Variants in PRELID2 observed in about 807,000 individuals in gnomAD.
PRELID2 encodes the protein PRELI domain containing 2, also known as PRELI domain-containing protein 2.
In PRELID2, 25 loss-of-function variants were observed where a neutral mutation model predicts 28.4. That is an observed-to-expected ratio of 0.88 (90% CI 0.64 to 1.23). PRELID2 has a LOEUF of 1.23. Ranked by LOEUF, PRELID2 falls within the 50% of genes most tolerant of loss-of-function variation. The probability of loss-of-function intolerance (pLI) is 0.00; values close to 1 mark genes in which losing one functional copy is unlikely to be tolerated. For missense variants in PRELID2, 201 were observed against 214.4 expected (o/e 0.94, Z 0.39); for synonymous variants, 76 against 71.6 (o/e 1.06, Z -0.31).
chr5:145,695,402 T>C (rs1755238803), intron 1 of PRELID2, among the ~76,000 whole-genome samples: 1 of 152,080 alleles, frequency 6.6e-6, no homozygotes, highest in African/African-American at 2.4e-5. Context: ...TAGGAAGCAA[T>C]TGGTAGGGAA....
intron 1 of PRELID2, among the ~76,000 whole-genome samples, chr5:145,478,419 C>G (rs1752126948): frequency 6.6e-6 from 1 of 152,014 alleles, no homozygotes; most frequent in East Asian, 1.9e-4. Flanking sequence ...TGGTGGTGCG[C>G]ACCTGTAATC....
chr5:145,372,663 T>A, the PRELID2 span, among the ~76,000 whole-genome samples: 1 of 151,590 alleles, frequency 6.6e-6, no homozygotes, highest in Non-Finnish European at 1.5e-5. Flanking sequence ...ACAATAGGAT[T>A]GCAACCCCTG....
intron 1 of PRELID2, among the ~76,000 whole-genome samples, chr5:145,591,295 C>CA (rs879536286): frequency 0.041 from 3,913 of 94,292 alleles, 163 homozygotes; most frequent in African/African-American, 0.13. Context: ...GACTGTGTCT[C>CA]AAAAAAAAAA....
the PRELID2 span, among the ~76,000 whole-genome samples, chr5:145,250,202 C>G: frequency 6.6e-6 from 1 of 152,096 alleles, no homozygotes; most frequent in African/African-American, 2.4e-5. Context: ...CTCAAATACA[C>G]ACAGACAACC....
chr5:145,702,617 T>C (rs1002176), intron 1 of PRELID2, among the ~76,000 whole-genome samples: 16,973 of 152,154 alleles, frequency 0.11, 1,240 homozygotes, highest in African/African-American at 0.2. Flanking sequence ...ATTCGGGTCT[T>C]CTGTTCTCTA....
Position 145,820,034 on chromosome 5 carries a change from T to A in PRELID2, c.134-16A>T. 12 of 1,458,636 alleles carry A rather than the reference T, an allele frequency of 8.2e-6. No homozygotes were observed. The highest frequency in any genetic ancestry group is 1.0e-5 in the Non-Finnish European group (11 of 1,055,528). 90.4% of individuals were successfully genotyped at this position (1,458,636 alleles called of 1,614,324 possible). A position where few individuals can be genotyped will look rare whatever the true frequency, so the allele number is the denominator to read the frequency against. On this transcript the variant is annotated splice_polypyrimidine_tract_variant and intron_variant, in intron 2 of 6. Coordinates refer to ENST00000683046, the MANE Select transcript of PRELID2 (RefSeq NM_205846.3). ...GTTGATTCATCTAAAAAAGAAATTT[T>A]TTTACACAAAAAAAAATTAAAGAAA...
intron 1 of PRELID2, among the ~76,000 whole-genome samples, chr5:145,587,682 A>T (rs887123885): frequency 1.3e-5 from 2 of 152,150 alleles, no homozygotes; most frequent in Non-Finnish European, 2.9e-5. Flanking sequence ...CCATTACATT[A>T]TAATAAGGTA....
At chr5:145,809,785 A>C (rs1432781) in intron 4 of PRELID2, among the ~76,000 whole-genome samples, 25,870 of 152,194 alleles carry the variant, frequency 0.17, 2,630 homozygotes, top group African/African-American at 0.27. Flanking sequence ...AGATACCAGA[A>C]AGTTTTTACT....
At chr5:145,371,903 G>T in the PRELID2 span, among the ~76,000 whole-genome samples, 2 of 129,234 alleles carry the variant, frequency 1.5e-5, no homozygotes, top group East Asian at 6.0e-4. Context: ...AAAAAAAACA[G>T]CTCCTGGATT....
chr5:145,471,060 C>G (rs1561489507), downstream of PRELID2, among the ~76,000 whole-genome samples: 2 of 152,072 alleles, frequency 1.3e-5, no homozygotes, highest in Admixed American at 1.3e-4. Flanking sequence ...ATCTATTAAT[C>G]AAGGCTGCCA....
chr5:145,598,999 C>A (rs1260607163), intron 1 of PRELID2, among the ~76,000 whole-genome samples: 1 of 152,074 alleles, frequency 6.6e-6, no homozygotes, highest in East Asian at 1.9e-4. Context: ...CCTTTTTTAT[C>A]CCCCTCTATG....
intron 1 of PRELID2, among the ~76,000 whole-genome samples, chr5:145,563,237 C>T (rs1187609588): frequency 6.6e-6 from 1 of 152,164 alleles, no homozygotes; most frequent in Non-Finnish European, 1.5e-5. Context: ...ATTTCTAATT[C>T]TTTGAATGAT....
chr5:145,313,113 T>C, the PRELID2 span, among the ~76,000 whole-genome samples: 1 of 152,134 alleles, frequency 6.6e-6, no homozygotes, highest in South Asian at 2.1e-4. Context: ...TCTCAATAAT[T>C]CTGATGTTAC....
intron 1 of PRELID2, among the ~76,000 whole-genome samples, chr5:145,685,205 C>T (rs1450023608): frequency 6.6e-6 from 1 of 152,172 alleles, no homozygotes; most frequent in Non-Finnish European, 1.5e-5. Context: ...AAATCTAATC[C>T]TACCACTTCC....
chr5:145,301,062 A>T, the PRELID2 span, among the ~76,000 whole-genome samples: 1 of 152,128 alleles, frequency 6.6e-6, no homozygotes, highest in Non-Finnish European at 1.5e-5. Context: ...CTAACAATAT[A>T]TCCAAAAGAG....
chr5:145,650,606 A>T (rs1425866999), intron 1 of PRELID2, among the ~76,000 whole-genome samples: 3 of 140,426 alleles, frequency 2.1e-5, no homozygotes, highest in Admixed American at 7.3e-5. Context: ...ATTTGGTTAA[A>T]ATCTATTCAG....
At chr5:145,255,533 G>T in the PRELID2 span, among the ~76,000 whole-genome samples, 1 of 151,956 alleles carries the variant, frequency 6.6e-6, no homozygotes, top group Non-Finnish European at 1.5e-5. Context: ...CAATGCTTTG[G>T]GAGGCAGAGG....
At chr5:145,303,678 C>T in the PRELID2 span, among the ~76,000 whole-genome samples, 7 of 152,160 alleles carry the variant, frequency 4.6e-5, no homozygotes, top group Admixed American at 6.5e-5. Context: ...AGAATTCACT[C>T]TAGGTTCACC....
At chr5:145,558,976 C>T (rs1372790427) in intron 1 of PRELID2, among the ~76,000 whole-genome samples, 3 of 152,226 alleles carry the variant, frequency 2.0e-5, no homozygotes, top group East Asian at 3.9e-4. Flanking sequence ...GTTTTGGGGC[C>T]GGGCACAGTG....
Sources: gnomAD v4.1 joint callset for allele counts (sites outside exome capture counted in the v4.1 genomes callset) on GRCh38, gnomAD v4.1.1 for gene constraint, MANE v1.5 for transcripts, NCBI Gene and HGNC (gene_info 2026-07-23, HGNC 2026-07-21) for gene names.